Variants in KCNIP2 observed in about 807,000 individuals in gnomAD.
The protein encoded by KCNIP2 is potassium voltage-gated channel interacting protein 2.
Under a neutral mutation model 39.0 loss-of-function variants are expected in KCNIP2, and 19 were observed. That is an observed-to-expected ratio of 0.49 (90% CI 0.34 to 0.71). KCNIP2 has a LOEUF of 0.71. Ranked by LOEUF, KCNIP2 falls within the 30% of genes least tolerant of loss-of-function variation. The pLI, the probability that KCNIP2 is intolerant of heterozygous loss-of-function variation, is 0.01. For missense variants in KCNIP2, 261 were observed against 346.0 expected (o/e 0.75, Z 1.95); for synonymous variants, 111 against 131.2 (o/e 0.85, Z 1.05).
rs1331356270 is a variant in KCNIP2 at position 101,838,237 on chromosome 10, G to A, written c.73+5259C>T. Reference sequence around the variant, plus strand: ...CTGTGGAAGCAATTTGGCAGAGTGGGAACTCAAGGGAAAACCATCTCGAGG... The same window carrying A: ...CTGTGGAAGCAATTTGGCAGAGTGGAAACTCAAGGGAAAACCATCTCGAGG... On this transcript the variant is annotated intron_variant, in intron 1 of 9. Coordinates refer to ENST00000356640, the MANE Select transcript of KCNIP2 (RefSeq NM_173191.3). The surrounding 1 kb of genome is among the most constrained non-coding windows in gnomAD (Gnocchi z 4.0). 6.6e-6 allele frequency among the ~76,000 whole-genome samples: 1 copy of A among 152,228 alleles called. No homozygotes were observed. The highest frequency in any genetic ancestry group is 2.4e-5 in the African/African-American group (1 of 41,456).
chr10:101,834,947 G>A (rs913110129), intron 1 of KCNIP2, among the ~76,000 whole-genome samples: 1 of 152,196 alleles, frequency 6.6e-6, no homozygotes, highest in African/African-American at 2.4e-5. Flanking sequence ...CTGTGCACCT[G>A]TCACAGAGGT....
intron 1 of KCNIP2, among the ~76,000 whole-genome samples, chr10:101,834,755 G>A (rs1441286156): frequency 6.6e-6 from 1 of 152,262 alleles, no homozygotes. Context: ...TAGGGAGAAG[G>A]CAGGGAAGGG....
At position 101,827,293 on chromosome 10, in the gene KCNIP2, C is replaced by T. The variant is rs567867726; in HGVS notation, c.*60G>A. 109 of 1,534,686 alleles carry T rather than the reference C, an allele frequency of 7.1e-5. No homozygotes were observed. Among genetic ancestry groups the T allele is most frequent in the South Asian group, 2.5e-4 (20 of 79,088 alleles). ...GACCTGGGAAGAGAAGGGTGAGGTCCGCCTGGACTAGGGTTAGAGCATGGT... is the reference window on the plus strand; with the variant it reads ...GACCTGGGAAGAGAAGGGTGAGGTCTGCCTGGACTAGGGTTAGAGCATGGT... On this transcript the variant is annotated 3_prime_UTR_variant, in exon 10 of 10. Coordinates refer to ENST00000356640, the MANE Select transcript of KCNIP2 (RefSeq NM_173191.3).
chr10:101,836,944 G>A (rs1277719766), intron 1 of KCNIP2, among the ~76,000 whole-genome samples: 1 of 151,402 alleles, frequency 6.6e-6, no homozygotes, highest in Non-Finnish European at 1.5e-5. Context: ...CTGAGCAACA[G>A]AGCGAGACTC....
At position 101,828,265 on chromosome 10, in the gene KCNIP2, A is replaced by G. The variant is rs370775202; in HGVS notation, c.490-7T>C. On this transcript the variant is annotated splice_polypyrimidine_tract_variant and splice_region_variant and intron_variant, in intron 6 of 9. Coordinates refer to ENST00000356640, the MANE Select transcript of KCNIP2 (RefSeq NM_173191.3). The surrounding 1 kb of genome is among the most constrained non-coding windows in gnomAD (Gnocchi z 6.6). ...ACAAACCAGCCACAAAGTCCTGGGA[A>G]GGAGGCAGGAGGGAGCTGTGTCCTC... 92 of 1,613,576 alleles carry G rather than the reference A, an allele frequency of 5.7e-5. No homozygotes were observed. The highest frequency in any genetic ancestry group is 3.1e-4 in the East Asian group (14 of 44,890).
In KCNIP2 at chr10:101,829,854, C is replaced by A; in HGVS notation, c.213G>T (p.Leu71=). The A allele has an allele frequency of 6.7e-7, 1 of 1,483,362 alleles. No homozygotes were observed. 91.9% of individuals were successfully genotyped at this position (1,483,362 alleles called of 1,614,324 possible). A position where few individuals can be genotyped will look rare whatever the true frequency, so the allele number is the denominator to read the frequency against. ...AGGAGCGTAAGTCACCTGGGTCCAG[C>A]AGGCGGGGTCTGTGGGGGCGGAGGG... ...PASLRPHRPR[L]LDPDSVDDEF... The change falls in exon 3 of 10, where the codon CTG becomes CTT. Residue 71 remains leucine (L), a synonymous_variant. Coordinates refer to ENST00000356640, the MANE Select transcript of KCNIP2 (RefSeq NM_173191.3).
chr10:101,828,340 C>T lies in KCNIP2; in HGVS notation c.489+49G>A. 6.2e-7 allele frequency: 1 copy of T among 1,611,924 alleles called. No individual in the cohort carries two copies. The highest frequency in any genetic ancestry group is 8.5e-7 in the Non-Finnish European group (1 of 1,178,074). On this transcript the variant is annotated intron_variant, in intron 6 of 9. Coordinates refer to ENST00000356640, the MANE Select transcript of KCNIP2 (RefSeq NM_173191.3). This position sits in a 1 kb window ranked among gnomAD's most constrained non-coding sequence, Gnocchi z 6.6. ...TCTGGGTTTGGCCTGGAGATCCTGG[C>T]CCTGAACTCCAGGAAACAGGCTTCC...
At chr10:101,829,422 C>T in intron 3 of KCNIP2, 2 of 555,732 alleles carry the variant, frequency 3.6e-6, no homozygotes, top group Non-Finnish European at 3.0e-6. Context: ...GGCCCCAGAG[C>T]CAGGGATCCG....
chr10:101,833,958 A>G (rs900187153), intron 1 of KCNIP2, among the ~76,000 whole-genome samples: 2 of 151,680 alleles, frequency 1.3e-5, no homozygotes, highest in African/African-American at 4.8e-5. Flanking sequence ...CCCTCCTGGT[A>G]TCGCCCAGAA....
At position 101,826,463 on chromosome 10, in the gene KCNIP2, G is replaced by A. The variant is rs1210338973; in HGVS notation, c.*890C>T. 2.6e-5 allele frequency: 4 copies of A among 152,416 alleles called. No individual in the cohort carries two copies. Among genetic ancestry groups the A allele is most frequent in the Admixed American group, 1.3e-4 (2 of 15,262 alleles). 9.4% of individuals were successfully genotyped at this position (152,416 alleles called of 1,614,324 possible). On this transcript the variant is annotated 3_prime_UTR_variant, in exon 10 of 10. Transcript: ENST00000356640. Reference sequence around the variant, plus strand: ...GGTCCCAAGTCTATAGAGAACATGGGAAACAAAAACTCAAGTCATAGCCCT... The same window carrying A: ...GGTCCCAAGTCTATAGAGAACATGGAAAACAAAAACTCAAGTCATAGCCCT...
chr10:101,831,776 C>T (rs998118151), intron 1 of KCNIP2, among the ~76,000 whole-genome samples: 1 of 152,198 alleles, frequency 6.6e-6, no homozygotes, highest in African/African-American at 2.4e-5. Flanking sequence ...TCAAACCACA[C>T]AAGAACACAC....
Position 101,828,898 on chromosome 10 carries a change from A to C in KCNIP2, c.348+177T>G, listed in dbSNP as rs2065853508. 1 of 1,532,170 alleles carries C rather than the reference A, an allele frequency of 6.5e-7. No homozygotes were observed. The highest frequency in any genetic ancestry group is 1.4e-5 in the African/African-American group (1 of 72,680). 94.9% of individuals were successfully genotyped at this position (1,532,170 alleles called of 1,614,324 possible). A position where few individuals can be genotyped will look rare whatever the true frequency, so the allele number is the denominator to read the frequency against. Reference sequence around the variant, plus strand: ...ACATGGAACGAAACTGACAGTCTACAGGCGCCACTTCCGTTCTGGCCCCGC... The same window carrying C: ...ACATGGAACGAAACTGACAGTCTACCGGCGCCACTTCCGTTCTGGCCCCGC... On this transcript the variant is annotated intron_variant, in intron 4 of 9. Transcript: ENST00000356640. The surrounding 1 kb of genome is among the most constrained non-coding windows in gnomAD (Gnocchi z 6.6).
chr10:101,829,814 C>A, intron 3 of KCNIP2, 30 bp downstream of exon 3: 2 of 1,369,282 alleles, frequency 1.5e-6, no homozygotes, highest in Non-Finnish European at 1.9e-6. Context: ...CGCCCTGCCC[C>A]GCCCCGCCCC....
rs754398821 is a variant in KCNIP2 at position 101,827,928 on chromosome 10, C to T, written c.663G>A (p.Arg221=). 24 of 1,614,118 alleles carry T rather than the reference C, an allele frequency of 1.5e-5. No homozygotes were observed. The highest frequency in any genetic ancestry group is 8.3e-5 in the Admixed American group (5 of 60,018). ...MMGKYTYPAL[R]EEAPREHVES... is the part of the protein sequence containing the mutation. ...CCACGTGTTCCCTTGGGGCCTCCTC[C>T]CGGAGTGCAGGGTACGTGTACTTGC... is the stretch of plus-strand genomic sequence containing the variant. The change falls in exon 8 of 10, where the codon CGG becomes CGA. Residue 221 remains arginine, a synonymous_variant. Transcript: ENST00000356640.
intron 1 of KCNIP2, among the ~76,000 whole-genome samples, chr10:101,841,702 C>A (rs566283525): frequency 6.6e-6 from 1 of 152,332 alleles, no homozygotes; most frequent in East Asian, 1.9e-4. Context: ...CACTTCCATT[C>A]CTGACTGAAC....
Position 101,843,475 on chromosome 10 carries a change from A to C in KCNIP2, c.73+21T>G, listed in dbSNP as rs370695167. On this transcript the variant is annotated intron_variant, in intron 1 of 9. Coordinates refer to ENST00000356640, the MANE Select transcript of KCNIP2 (RefSeq NM_173191.3). The surrounding 1 kb of genome is among the most constrained non-coding windows in gnomAD (Gnocchi z 6.7). ...AATGGAATCCACCCTCCCTCCCGCG[A>C]CCCCCACGTCACTGACTCACCCGTG... is the stretch of plus-strand genomic sequence containing the variant. 68 of 1,502,030 alleles carry C rather than the reference A, an allele frequency of 4.5e-5. No individual in the cohort carries two copies. In the Middle Eastern group the frequency reaches 8.7e-4, roughly 19 times the overall value. 93.0% of individuals were successfully genotyped at this position (1,502,030 alleles called of 1,614,324 possible).
At chr10:101,829,958 T>C (rs376696004) in intron 2 of KCNIP2, 61 bp from the exon 3 acceptor site, 37 of 1,517,230 alleles carry the variant, frequency 2.4e-5, no homozygotes, top group Non-Finnish European at 3.2e-5. Flanking sequence ...GACACACACC[T>C]GGCCCCTCAC....
At chr10:101,830,148 G>A (rs1226183571) in intron 2 of KCNIP2, among the ~76,000 whole-genome samples, 1 of 152,080 alleles carries the variant, frequency 6.6e-6, no homozygotes, top group East Asian at 1.9e-4. Flanking sequence ...ACTACAAAGC[G>A]GGCCTTTATG....
Position 101,843,506 on chromosome 10 carries a change from G to A in KCNIP2, c.63C>T (p.Asp21=), listed in dbSNP as rs1418465005. 2 of 1,579,038 alleles carry A rather than the reference G, an allele frequency of 1.3e-6. No homozygotes were observed. The highest frequency in any genetic ancestry group is 1.2e-5 in the South Asian group (1 of 86,028). Reference sequence around the variant, plus strand: ...ACGTCACTGACTCACCCGTGAGCTGGTCGTAGGAGCCGTCCAGGTCTCGGG... The same window carrying A: ...ACGTCACTGACTCACCCGTGAGCTGATCGTAGGAGCCGTCCAGGTCTCGGG... ...SDSRDLDGSY[D]QLTGHPPGPT... The change falls in exon 1 of 10, where the codon GAC becomes GAT. Residue 21 remains aspartate, a synonymous_variant. Transcript: ENST00000356640. This position sits in a 1 kb window ranked among gnomAD's most constrained non-coding sequence, Gnocchi z 6.7.
Sources: allele counts gnomAD v4.1 joint callset (sites outside exome capture counted in the v4.1 genomes callset), GRCh38; gene constraint gnomAD v4.1.1; non-coding constraint Gnocchi (gnomAD v3.1); transcripts MANE v1.5; gene names NCBI Gene and HGNC (gene_info 2026-07-23, HGNC 2026-07-21).